TPCN2: variants seen among roughly 807,000 people sequenced by gnomAD.
TPCN2 encodes the protein two pore segment channel 2, also known as two pore channel protein 2.
TPCN2 carries 92 observed loss-of-function variants against 111.4 expected under a neutral mutation model. The observed-to-expected ratio is 0.83, with a 90% CI of 0.70 to 0.98. TPCN2 has a LOEUF of 0.98. TPCN2 is among the 50% of genes least tolerant of loss of function. The probability of loss-of-function intolerance (pLI) is 0.00; values close to 1 mark genes in which losing one functional copy is unlikely to be tolerated. For missense variants in TPCN2, 995 were observed against 980.1 expected, an observed-to-expected ratio of 1.02 and a Z score of -0.20; for synonymous variants, 405 against 414.5, an observed-to-expected ratio of 0.98 and a Z score of 0.28.
chr11:69,065,528 C>A lies in TPCN2; in HGVS notation c.726+1561C>A, dbSNP rs559321137. On this transcript the variant is annotated intron_variant, in intron 7 of 24. Transcript: ENST00000294309. Reference sequence around the variant, plus strand: ...CTTGGCAGGAGTCTGGATCCCTGTCCGAGGCAGGACTTGAGAGGAGCGTGG... The same window carrying A: ...CTTGGCAGGAGTCTGGATCCCTGTCAGAGGCAGGACTTGAGAGGAGCGTGG... Among the ~76,000 whole-genome samples the A allele has an allele frequency of 2.6e-4, 40 of 152,298 alleles. No individual in the cohort carries two copies. In the South Asian group the frequency reaches 7.9e-3, roughly 30 times the overall value.
intron 7 of TPCN2, 46 bp from the exon 8 acceptor site, chr11:69,067,457 G>T: frequency 6.4e-7 from 1 of 1,556,914 alleles, no homozygotes; most frequent in Admixed American, 1.7e-5. Context: ...TCAGCCTGTG[G>T]GGTGGGGACC....
chr11:69,087,343 G>A, intron 24 of TPCN2, 137 bp downstream of exon 24: 1 of 733,700 alleles, frequency 1.4e-6, no homozygotes. Context: ...CTTTGGTCCT[G>A]TGCTCTAGGA....
intron 5 of TPCN2, among the ~76,000 whole-genome samples, chr11:69,060,106 C>T (rs369633834): frequency 5.9e-5 from 9 of 152,212 alleles, no homozygotes; most frequent in African/African-American, 1.9e-4. Context: ...TTCAGAGCAG[C>T]TGGTCCACAT....
At chr11:69,050,437 G>A (rs1286632888) in intron 1 of TPCN2, among the ~76,000 whole-genome samples, 1 of 152,196 alleles carries the variant, frequency 6.6e-6, no homozygotes, top group Non-Finnish European at 1.5e-5. Flanking sequence ...GTGCAGTGGC[G>A]TGATCTCGGC....
rs1371038509 is a variant in TPCN2, at chr11:69,054,105, G to A, written c.174+8G>A. The stretch of plus-strand genomic sequence containing the variant: ...ATCGAAGATGCTATTCAGGTCGGTG[G>A]CACCTGCTCCCTGTGGCCGGGCCTG... On this transcript the variant is annotated splice_region_variant and intron_variant, in intron 2 of 24. Coordinates refer to ENST00000294309, the MANE Select transcript of TPCN2 (RefSeq NM_139075.4). The A allele has an allele frequency of 1.2e-6, 2 of 1,612,142 alleles. No individual in the cohort carries two copies. Among genetic ancestry groups the A allele is most frequent in the Non-Finnish European group, 1.7e-6 (2 of 1,179,646 alleles).
chr11:69,081,583 G>C, intron 18 of TPCN2, 84 bp downstream of exon 18: 2 of 1,048,020 alleles, frequency 1.9e-6, no homozygotes, highest in South Asian at 3.1e-5. Context: ...CCTGGGGCAG[G>C]AAGGGCCCGA....
At chr11:69,054,585 C>T (rs1221057347) in intron 2 of TPCN2, 136 bp from the exon 3 acceptor site, 1 of 795,580 alleles carries the variant, frequency 1.3e-6, no homozygotes, top group Admixed American at 2.1e-5. Flanking sequence ...TCAGGGCTGG[C>T]CATGTCCACA....
chr11:69,059,909 G>A (rs756018751), intron 5 of TPCN2, among the ~76,000 whole-genome samples: 10 of 152,250 alleles, frequency 6.6e-5, no homozygotes, highest in South Asian at 2.1e-4. Context: ...CATAGCCTCC[G>A]TGTCTGTCGT....
chr11:69,060,292 CGT>C (rs1045558429), intron 5 of TPCN2, among the ~76,000 whole-genome samples: 3 of 152,224 alleles, frequency 2.0e-5, no homozygotes, highest in Admixed American at 6.5e-5. Flanking sequence ...CTGAAATGTG[CGT>C]GTGTGTGTTT....
chr11:69,087,793 G>C, intron 24 of TPCN2, 82 bp from the exon 25 acceptor site: 1 of 1,150,654 alleles, frequency 8.7e-7, no homozygotes, highest in Non-Finnish European at 1.3e-6. Context: ...GTGTTGCTAA[G>C]CTCTGCTCCC....
chr11:69,073,605 G>A (rs187083681), intron 13 of TPCN2, among the ~76,000 whole-genome samples: 186 of 152,352 alleles, frequency 1.2e-3, no homozygotes, highest in African/African-American at 4.2e-3. Flanking sequence ...CTCCTGGGAC[G>A]GCACCACAGA....
chr11:69,057,463 T>A, intron 4 of TPCN2, 115 bp from the exon 5 acceptor site: 1 of 966,062 alleles, frequency 1.0e-6, no homozygotes, highest in Admixed American at 1.8e-5. Context: ...ACCACACTGT[T>A]GTGGAGGCGC....
chr11:69,087,287 C>A, intron 24 of TPCN2, 81 bp downstream of exon 24: 9 of 1,241,576 alleles, frequency 7.2e-6, no homozygotes, highest in Non-Finnish European at 1.0e-5. Context: ...GTTGAGGCGG[C>A]GGGCAGGCCC....
chr11:69,077,184 TCACCTGCCCTCCTGCCATGTCCCTC>T (rs1855818814), intron 13 of TPCN2, among the ~76,000 whole-genome samples: 5 of 5,382 alleles, frequency 9.3e-4, no homozygotes, highest in African/African-American at 3.0e-3. Context: ...CCGTGTCCCT[TCACCTGCCCTCCTGCCATGTCCCTC>T]CACCTGCCCT....
Position 69,067,622 on chromosome 11 carries a change from G to A in TPCN2, c.829+17G>A. The A allele has an allele frequency of 1.2e-6, 2 of 1,612,796 alleles. No individual in the cohort carries two copies. Among genetic ancestry groups the A allele is most frequent in the Non-Finnish European group, 1.7e-6 (2 of 1,179,678 alleles). On this transcript the variant is annotated intron_variant, in intron 8 of 24. Transcript: ENST00000294309. ...ACCCCGATGGTGCGTGCAGGGCCAG[G>A]GAGGGACCGTGGGGGTCGGTGAGCC...
rs1414578639 is a variant in TPCN2 at position 69,087,171 on chromosome 11, G to A, written c.2145G>A (p.Glu715=). ...SHLQPLAGTP[E]ATYQMTVELL... ...TGCAGCCCCTTGCTGGGACCCCAGA[G>A]GCCACCTACCAGATGACTGTGGAGC... is the stretch of plus-strand genomic sequence containing the variant. The change falls in exon 24 of 25, where the codon GAG becomes GAA. Residue 715 remains glutamate, a synonymous_variant. Transcript: ENST00000294309. 1 of 1,613,958 alleles carries A rather than the reference G, an allele frequency of 6.2e-7. No individual in the cohort carries two copies. The highest frequency in any genetic ancestry group is 8.5e-7 in the Non-Finnish European group (1 of 1,179,898).
At chr11:69,080,205 C>A (rs1338822327) in intron 17 of TPCN2, among the ~76,000 whole-genome samples, 4 of 152,228 alleles carry the variant, frequency 2.6e-5, no homozygotes, top group Admixed American at 1.3e-4. Flanking sequence ...AGCAGAGATG[C>A]CCCTGGCTCA....
At chr11:69,063,588 G>A (rs1319756789) in intron 6 of TPCN2, among the ~76,000 whole-genome samples, 1 of 152,084 alleles carries the variant, frequency 6.6e-6, no homozygotes, top group African/African-American at 2.4e-5. Context: ...ATCCAGCTCA[G>A]GTGGATGGAA....
chr11:69,072,110 G>A (rs1855561522), intron 11 of TPCN2, 87 bp downstream of exon 11: 2 of 1,166,682 alleles, frequency 1.7e-6, no homozygotes, highest in Non-Finnish European at 2.5e-6. Flanking sequence ...GGGGCTTCTT[G>A]TGCTTGGCCT....
Sources: allele counts gnomAD v4.1 joint callset (sites outside exome capture counted in the v4.1 genomes callset), GRCh38; gene constraint gnomAD v4.1.1; transcripts MANE v1.5; gene names NCBI Gene and HGNC (gene_info 2026-07-23, HGNC 2026-07-21).